Variants in SCN4A observed in about 807,000 individuals in gnomAD.
The protein encoded by SCN4A is sodium voltage-gated channel alpha subunit 4.
In SCN4A, 83 loss-of-function variants were observed where a neutral mutation model predicts 162.0. The ratio of observed to expected loss-of-function variants is 0.51; its 90% CI spans 0.43 to 0.61. SCN4A has a LOEUF of 0.61. SCN4A is among the 20% of genes least tolerant of loss of function. SCN4A has a pLI of 0.00. For synonymous variants in SCN4A, 944 were observed against 985.1 expected, an observed-to-expected ratio of 0.96 and a Z score of 0.78; for missense variants, 2,196 against 2,462.5, an observed-to-expected ratio of 0.89 and a Z score of 2.29.
Position 63,951,454 on chromosome 17 carries a change from G to T in SCN4A, c.2823C>A (p.Thr941=). 1 of 1,605,884 alleles carries T rather than the reference G, an allele frequency of 6.2e-7. No individual in the cohort carries two copies. The highest frequency in any genetic ancestry group is 8.5e-7 in the Non-Finnish European group (1 of 1,173,244). Residue 941 remains threonine, a synonymous_variant, in exon 14 of 24, where the codon ACC becomes ACA. Coordinates refer to ENST00000435607, the MANE Select transcript of SCN4A (RefSeq NM_000334.4). The surrounding 1 kb of genome is among the most constrained non-coding windows in gnomAD (Gnocchi z 4.5). ...SDLEMPTEEE[T]DTFSEPEDSK... is the part of the protein sequence containing the mutation. ...TATCCTCAGGCTCTGAGAAAGTGTC[G>T]GTTTCCTCCTCGGTGGGCATCTCCA...
Position 63,944,776 on chromosome 17 carries a change from T to C in SCN4A, c.3809A>G (p.Tyr1270Cys). 6.2e-7 allele frequency: 1 copy of C among 1,613,948 alleles called. No homozygotes were observed. Among genetic ancestry groups the C allele is most frequent in the Admixed American group, 1.7e-5 (1 of 59,992 alleles). ...EEQPQYEVNL[Y>C]MYLYFVIFII... ...GAAGATGACAAAGTAGAGGTACATG[T>C]AGAGGTTCACCTCGTACTGCGGCTG... Residue 1270 changes from tyrosine to cysteine, a missense_variant, in exon 21 of 24, where the codon TAC becomes TGC. Physicochemically the swap from Tyr to Cys is radical, Grantham distance 194 (BLOSUM62 -2). Transcript: ENST00000435607. The surrounding 1 kb of genome is among the most constrained non-coding windows in gnomAD (Gnocchi z 4.3).
intron 5 of SCN4A, 71 bp downstream of exon 5, chr17:63,971,091 C>A: frequency 1.0e-6 from 1 of 994,818 alleles, no homozygotes; most frequent in South Asian, 1.4e-5. Flanking sequence ...GACACTGAGT[C>A]AGGTTCCAGG....
intron 13 of SCN4A, among the ~76,000 whole-genome samples, chr17:63,955,504 A>G (rs1379813958): frequency 2.6e-5 from 4 of 152,168 alleles, no homozygotes; most frequent in African/African-American, 9.7e-5. Context: ...CGTTTTCCAG[A>G]TGGGAAAACT....
In SCN4A at chr17:63,948,854, C is replaced by T. The variant is rs772684964; in HGVS notation, c.2990-89G>A. The T allele has an allele frequency of 7.9e-5, 96 of 1,211,734 alleles. 2 individuals carry two copies. The highest frequency in any genetic ancestry group is 4.6e-4 in the Middle Eastern group (2 of 4,384). 75.1% of individuals were successfully genotyped at this position (1,211,734 alleles called of 1,614,324 possible). A position where few individuals can be genotyped will look rare whatever the true frequency, so the allele number is the denominator to read the frequency against. ...CACAGTCAGCGCCCTCCCATGGCAT[C>T]CCAGGATGCCCCTCTCCAGCTCCCA... On this transcript the variant is annotated intron_variant, in intron 15 of 23. Transcript: ENST00000435607.
chr17:63,964,740 C>A, intron 8 of SCN4A, 63 bp from the exon 9 acceptor site: 2 of 1,339,984 alleles, frequency 1.5e-6, no homozygotes, highest in African/African-American at 1.4e-5. Flanking sequence ...GACCCAGTGC[C>A]CCTTTCCATA....
At chr17:63,958,186 A>C (rs957569468) in intron 12 of SCN4A, among the ~76,000 whole-genome samples, 1 of 152,032 alleles carries the variant, frequency 6.6e-6, no homozygotes, top group Non-Finnish European at 1.5e-5. Context: ...CCTGGGCAAC[A>C]TGGCGAAACC....
Position 63,939,363 on chromosome 17 carries a change from AG to A in SCN4A, c.*1407del, listed in dbSNP as rs1405707791. The stretch of plus-strand genomic sequence containing the variant: ...TACTCCATGGACCTTGAAACAGTCC[AG>A]GGCACACATATATACACATATATAC... On this transcript the variant is annotated 3_prime_UTR_variant, in exon 24 of 24. Coordinates refer to ENST00000435607, the MANE Select transcript of SCN4A (RefSeq NM_000334.4). 1 of 108,210 alleles carries A rather than the reference AG, an allele frequency of 9.2e-6. No homozygotes were observed. Among genetic ancestry groups the A allele is most frequent in the Non-Finnish European group, 2.3e-5 (1 of 43,590 alleles). The allele number at this position is 108,210 out of a possible 1,614,324, so 6.7% of individuals were successfully genotyped here.
At chr17:63,961,101 T>G in intron 11 of SCN4A, 92 bp downstream of exon 11, 1 of 518,176 alleles carries the variant, frequency 1.9e-6, no homozygotes, top group Non-Finnish European at 3.2e-6. Flanking sequence ...TCCCCCACCG[T>G]GCCCTATATT....
Position 63,947,126 on chromosome 17 carries a change from C to G in SCN4A, c.3360G>C (p.Ser1120=). 1 of 1,613,572 alleles carries G rather than the reference C, an allele frequency of 6.2e-7. No homozygotes were observed. The highest frequency in any genetic ancestry group is 8.5e-7 in the Non-Finnish European group (1 of 1,179,778). ...ISLVANWLGY[S]ELGPIKSLRT... Reference sequence around the variant, plus strand: ...GCAGGGATTTGATGGGTCCCAGCTCCGAGTAGCCCAGCCAGTTGGCCACCA... The same window carrying G: ...GCAGGGATTTGATGGGTCCCAGCTCGGAGTAGCCCAGCCAGTTGGCCACCA... The change falls in exon 18 of 24, where the codon TCG becomes TCC. Residue 1120 remains serine, a synonymous_variant. Coordinates refer to ENST00000435607, the MANE Select transcript of SCN4A (RefSeq NM_000334.4).
At chr17:63,955,377 C>G (rs1180371526) in intron 13 of SCN4A, among the ~76,000 whole-genome samples, 1 of 152,202 alleles carries the variant, frequency 6.6e-6, no homozygotes, top group Non-Finnish European at 1.5e-5. Flanking sequence ...CTGCCGCACG[C>G]CTGCAACACC....
At chr17:63,952,156 T>C in intron 13 of SCN4A, among the ~76,000 whole-genome samples, 1 of 151,470 alleles carries the variant, frequency 6.6e-6, no homozygotes, top group Non-Finnish European at 1.5e-5. Flanking sequence ...TAGGGAGGCC[T>C]GCTGGGGGAC....
rs764029151 is a variant in SCN4A, at chr17:63,957,407, C to T, written c.2131G>A (p.Val711Met). ...GNLTLVLAIIVFIFAVVGMQL... is the reference protein window; with the variant it reads ...GNLTLVLAIIMFIFAVVGMQL... ...ATGCCCACCACGGCGAAGATGAACA[C>T]GATGATAGCCAGCACCAGCGTCAGG... is the stretch of plus-strand genomic sequence containing the variant. Residue 711 changes from valine to methionine, a missense_variant, in exon 13 of 24, where the codon GTG becomes ATG. Transcript: ENST00000435607. 5.6e-6 allele frequency: 9 copies of T among 1,613,972 alleles called. No homozygotes were observed. The highest frequency in any genetic ancestry group is 2.2e-5 in the East Asian group (1 of 44,900).
Position 63,972,014 on chromosome 17 carries a change from G to A in SCN4A, c.482+122C>T. 9.5e-7 allele frequency: 1 copy of A among 1,048,510 alleles called. No homozygotes were observed. Among genetic ancestry groups the A allele is most frequent in the Non-Finnish European group, 1.4e-6 (1 of 694,194 alleles). The allele number at this position is 1,048,510 out of a possible 1,614,324, so 65.0% of individuals were successfully genotyped here. ...TGGCCACCCCAGGGACTCAAGGTGT[G>A]GATGAGGGTCACAATGACAGTGTGT... On this transcript the variant is annotated intron_variant, in intron 3 of 23. Transcript: ENST00000435607. This position sits in a 1 kb window ranked among gnomAD's most constrained non-coding sequence, Gnocchi z 4.3.
intron 13 of SCN4A, among the ~76,000 whole-genome samples, chr17:63,952,836 A>T (rs1302378386): frequency 6.6e-6 from 1 of 152,056 alleles, no homozygotes; most frequent in Non-Finnish European, 1.5e-5. Context: ...GGCCTCAGGG[A>T]GCTCACAGAC....
chr17:63,943,138 C>T, intron 22 of SCN4A, 42 bp from the exon 23 acceptor site: 1 of 1,585,858 alleles, frequency 6.3e-7, no homozygotes, highest in Non-Finnish European at 8.6e-7. Context: ...GTTGGGGTGG[C>T]CAGGCCCAGA....
rs1908422891 is a variant in SCN4A, at chr17:63,938,622, A to C, written c.*2149T>G. ...AGCCCGCCTGCTGGCCTGGCGTGGG[A>C]CCTGTTCCCCACTGGACCAGGCAGG... On this transcript the variant is annotated 3_prime_UTR_variant, in exon 24 of 24. Transcript: ENST00000435607. 1 of 152,760 alleles carries C rather than the reference A, an allele frequency of 6.5e-6. No individual in the cohort carries two copies. The highest frequency in any genetic ancestry group is 2.4e-5 in the African/African-American group (1 of 41,460). The allele number at this position is 152,760 out of a possible 1,614,324, so 9.5% of individuals were successfully genotyped here.
At chr17:63,948,857 A>G in intron 15 of SCN4A, 92 bp from the exon 16 acceptor site, 1 of 1,205,724 alleles carries the variant, frequency 8.3e-7, no homozygotes, top group Non-Finnish European at 1.1e-6. Flanking sequence ...ATGGCATCCC[A>G]GGATGCCCCT....
At chr17:63,960,610 G>A (rs1909216980) in intron 11 of SCN4A, among the ~76,000 whole-genome samples, 1 of 152,212 alleles carries the variant, frequency 6.6e-6, no homozygotes, top group Admixed American at 6.5e-5. Flanking sequence ...GGCCGGCAAT[G>A]AGGTGATAAT....
At chr17:63,971,677 C>T in intron 4 of SCN4A, 45 bp downstream of exon 4, 2 of 1,544,408 alleles carry the variant, frequency 1.3e-6, no homozygotes, top group Non-Finnish European at 1.8e-6. Flanking sequence ...TGGCCCCCTC[C>T]CCTCACCCAC....
Sources: allele counts gnomAD v4.1 joint callset (sites outside exome capture counted in the v4.1 genomes callset), GRCh38; gene constraint gnomAD v4.1.1; non-coding constraint Gnocchi (gnomAD v3.1); transcripts MANE v1.5; gene names NCBI Gene and HGNC (gene_info 2026-07-23, HGNC 2026-07-21).